Variants in IL1RAPL2 observed in about 807,000 individuals in gnomAD.
IL1RAPL2 encodes X-linked interleukin-1 receptor accessory protein-like 2.
Under a neutral mutation model 44.1 loss-of-function variants are expected in IL1RAPL2, and 3 were observed. That is an observed-to-expected ratio of 0.07 (90% CI 0.03 to 0.18). The LOEUF is 0.18. IL1RAPL2 is among the 10% of genes least tolerant of loss of function. IL1RAPL2 has a pLI of 1.00. For synonymous variants in IL1RAPL2, 181 were observed against 178.8 expected (o/e 1.01, Z -0.10); for missense variants, 391 against 496.4 (o/e 0.79, Z 2.02).
At chrX:105,288,400 A>G (rs1304599516) in intron 5 of IL1RAPL2, among the ~76,000 whole-genome samples, 1 of 89,458 alleles carries the variant, frequency 1.1e-5, no homozygotes, top group Non-Finnish European at 2.0e-5. Context: ...GTCATTTGCT[A>G]TCTACTTTTG....
intron 2 of IL1RAPL2, among the ~76,000 whole-genome samples, chrX:105,058,613 C>G (rs2147531146): frequency 9.0e-6 from 1 of 111,515 alleles, no homozygotes; most frequent in East Asian, 2.8e-4. Flanking sequence ...AGTAGAGATT[C>G]AATTAAATTT....
At chrX:105,072,401 G>C (rs764194391) in intron 2 of IL1RAPL2, among the ~76,000 whole-genome samples, 2 of 111,466 alleles carry the variant, frequency 1.8e-5, no homozygotes, top group South Asian at 7.6e-4. Flanking sequence ...CTGCTATAAA[G>C]ATACCAAAAA....
intron 2 of IL1RAPL2, among the ~76,000 whole-genome samples, chrX:105,134,462 G>A (rs1354523929): frequency 1.8e-5 from 2 of 111,656 alleles, no homozygotes; most frequent in Non-Finnish European, 3.8e-5. Flanking sequence ...GATATAGTAA[G>A]TATCTCTCTC....
intron 5 of IL1RAPL2, among the ~76,000 whole-genome samples, chrX:105,272,934 G>A (rs2034458546): frequency 9.0e-6 from 1 of 111,711 alleles, no homozygotes; most frequent in Non-Finnish European, 1.9e-5. Flanking sequence ...TGTGGTCCTG[G>A]CTCTTAGTTT....
intron 2 of IL1RAPL2, among the ~76,000 whole-genome samples, chrX:104,932,237 G>A (rs774396279): frequency 9.1e-6 from 1 of 109,621 alleles, no homozygotes; most frequent in African/African-American, 3.3e-5. Context: ...GACCTCAGGA[G>A]ATCCATCCCC....
At chrX:105,044,679 T>C (rs1044238622) in intron 2 of IL1RAPL2, among the ~76,000 whole-genome samples, 1 of 111,724 alleles carries the variant, frequency 9.0e-6, no homozygotes. Context: ...TTATGAAATG[T>C]CTTTAAAGCA....
At chrX:105,336,587 G>A (rs970046323) in intron 5 of IL1RAPL2, among the ~76,000 whole-genome samples, 1 of 111,741 alleles carries the variant, frequency 8.9e-6, no homozygotes, top group African/African-American at 3.3e-5. Flanking sequence ...CCAGGACTTT[G>A]TCCATGTTTT....
intron 2 of IL1RAPL2, among the ~76,000 whole-genome samples, chrX:104,710,245 C>T (rs1931434864): frequency 9.0e-6 from 1 of 111,414 alleles, no homozygotes; most frequent in Non-Finnish European, 1.9e-5. Flanking sequence ...AAAAGTTTAT[C>T]AGTGGATAAA....
At chrX:105,571,385 A>G (rs2037013348) in intron 6 of IL1RAPL2, among the ~76,000 whole-genome samples, 1 of 111,868 alleles carries the variant, frequency 8.9e-6, no homozygotes, top group Non-Finnish European at 1.9e-5. Context: ...CCAATTAGTT[A>G]TGACATAGGA....
chrX:105,245,502 A>G lies in IL1RAPL2; in HGVS notation c.543+11498A>G, dbSNP rs182401335. On this transcript the variant is annotated intron_variant, in intron 4 of 10. Coordinates refer to ENST00000372582, the MANE Select transcript of IL1RAPL2 (RefSeq NM_017416.2). ...ATTCTCTATCTGAACTGCATCAGTT[A>G]TCAAATTGAGATAAGGAGAGGGGCT... is the stretch of plus-strand genomic sequence containing the variant. Among the ~76,000 whole-genome samples the G allele has an allele frequency of 7.1e-5, 8 of 112,479 alleles. No individual in the cohort carries two copies. In the East Asian group the frequency reaches 2.2e-3, roughly 32 times the overall value.
chrX:105,047,352 C>A (rs2031853936), intron 2 of IL1RAPL2, among the ~76,000 whole-genome samples: 1 of 111,441 alleles, frequency 9.0e-6, no homozygotes, highest in African/African-American at 3.3e-5. Context: ...GCTCGGTATG[C>A]CATTTTACTC....
chrX:105,673,872 G>A (rs2037845369), intron 6 of IL1RAPL2, among the ~76,000 whole-genome samples: 1 of 111,997 alleles, frequency 8.9e-6, no homozygotes, highest in African/African-American at 3.2e-5. Context: ...TGACTGGTGT[G>A]AGATGATATC....
chrX:105,713,722 A>G (rs2038233774), intron 6 of IL1RAPL2, among the ~76,000 whole-genome samples: 1 of 111,426 alleles, frequency 9.0e-6, no homozygotes, highest in Non-Finnish European at 1.9e-5. Flanking sequence ...AAAGATCTTC[A>G]AAATGCCTTT....
chrX:105,535,481 T>A (rs2036670595), intron 6 of IL1RAPL2, among the ~76,000 whole-genome samples: 2 of 112,019 alleles, frequency 1.8e-5, no homozygotes, highest in Admixed American at 1.9e-4. Flanking sequence ...AATAAAACCT[T>A]AGGTTCACAC....
chrX:104,652,924 A>T (rs1336646183), intron 1 of IL1RAPL2, among the ~76,000 whole-genome samples: 1 of 110,970 alleles, frequency 9.0e-6, no homozygotes, highest in Non-Finnish European at 1.9e-5. Flanking sequence ...GTAGCCTTTC[A>T]TACATCTCTT....
intron 2 of IL1RAPL2, among the ~76,000 whole-genome samples, chrX:104,698,887 A>G (rs762215587): frequency 8.9e-6 from 1 of 111,908 alleles, no homozygotes; most frequent in Non-Finnish European, 1.9e-5. Context: ...GGTGAGGGCT[A>G]TACTTCTATA....
chrX:105,547,496 G>A (rs1975927212), intron 6 of IL1RAPL2, among the ~76,000 whole-genome samples: 1 of 112,040 alleles, frequency 8.9e-6, no homozygotes, highest in African/African-American at 3.2e-5. Context: ...ATCCAGCACA[G>A]TTTTGCTCAT....
intron 2 of IL1RAPL2, among the ~76,000 whole-genome samples, chrX:104,782,635 T>C (rs1204308304): frequency 9.0e-6 from 1 of 111,660 alleles, no homozygotes; most frequent in Non-Finnish European, 1.9e-5. Context: ...GCTTTTATTC[T>C]TGTAAATATT....
At chrX:105,298,329 A>C (rs1464442995) in intron 5 of IL1RAPL2, among the ~76,000 whole-genome samples, 2 of 111,296 alleles carry the variant, frequency 1.8e-5, no homozygotes, top group Non-Finnish European at 3.8e-5. Flanking sequence ...AGTGAAGTGA[A>C]TAGATTGGGA....
Sources: gnomAD v4.1 joint callset for allele counts (sites outside exome capture counted in the v4.1 genomes callset) on GRCh38, gnomAD v4.1.1 for gene constraint, MANE v1.5 for transcripts, NCBI Gene and HGNC (gene_info 2026-07-23, HGNC 2026-07-21) for gene names.